The following SDF2 variants were observed in gnomAD, a reference collection of about 807,000 sequenced individuals.
SDF2 encodes stromal cell derived factor 2.
Under a neutral mutation model 20.5 loss-of-function variants are expected in SDF2, and 12 were observed. The ratio of observed to expected loss-of-function variants is 0.58; its 90% CI spans 0.37 to 0.95. SDF2 has a LOEUF of 0.95. Among genes scored for constraint, SDF2 ranks in the 40% least tolerant of loss-of-function variants. SDF2 has a pLI of 0.01. For missense variants in SDF2, 238 were observed against 263.1 expected (o/e 0.90, Z 0.66); for synonymous variants, 100 against 101.0 (o/e 0.99, Z 0.06).
intron 2 of SDF2, 99 bp downstream of exon 2, chr17:28,655,188 A>C: frequency 8.6e-7 from 1 of 1,159,880 alleles, no homozygotes; most frequent in Non-Finnish European, 1.3e-6. Context: ...ACAAAAGAGA[A>C]CATCTACACC....
chr17:28,661,917 C>A, upstream of SDF2: 1 of 1,581,606 alleles, frequency 6.3e-7, no homozygotes, highest in Non-Finnish European at 8.7e-7. Context: ...GAAGAAAACT[C>A]GGCCCCTCCC....
chr17:28,658,920 G>A (rs1008052000), intron 1 of SDF2, among the ~76,000 whole-genome samples: 2 of 147,284 alleles, frequency 1.4e-5, no homozygotes, highest in South Asian at 2.2e-4. Context: ...CCGGGCAGAG[G>A]AGCTCCTCAC....
At chr17:28,649,338 G>A (rs1025136357) in intron 2 of SDF2, 62 bp from the exon 3 acceptor site, 4 of 1,524,746 alleles carry the variant, frequency 2.6e-6, no homozygotes, top group Non-Finnish European at 3.6e-6. Flanking sequence ...AGGGGTGGGA[G>A]GCAATGGGAA....
chr17:28,650,065 G>T (rs1338842025), intron 2 of SDF2, among the ~76,000 whole-genome samples: 1 of 151,950 alleles, frequency 6.6e-6, no homozygotes, highest in Non-Finnish European at 1.5e-5. Flanking sequence ...TGATTTTCCT[G>T]CCTCAGCCTC....
Position 28,648,907 on chromosome 17 carries a change from A to G in SDF2, c.*82T>C. ...TGGTGACATGGCCACTGCCCAAGGA[A>G]CTTGTGGCAGGGATCCCAAGGTGAG... On this transcript the variant is annotated 3_prime_UTR_variant, in exon 3 of 3. Transcript: ENST00000247020. 1.4e-6 allele frequency: 2 copies of G among 1,409,146 alleles called. No individual in the cohort carries two copies. Among genetic ancestry groups the G allele is most frequent in the East Asian group, 4.6e-5 (2 of 43,750 alleles). 87.3% of individuals were successfully genotyped at this position (1,409,146 alleles called of 1,614,324 possible).
chr17:28,649,717 A>C (rs1039440039), intron 2 of SDF2, among the ~76,000 whole-genome samples: 1 of 146,112 alleles, frequency 6.8e-6, no homozygotes, highest in Non-Finnish European at 1.5e-5. Flanking sequence ...CTGGGCAACA[A>C]GAGCAAAACT....
Position 28,661,819 on chromosome 17 carries a change from T to C in SDF2, c.58A>G (p.Ser20Gly). 6.2e-7 allele frequency: 1 copy of C among 1,614,132 alleles called. No homozygotes were observed. The highest frequency in any genetic ancestry group is 8.5e-7 in the Non-Finnish European group (1 of 1,180,018). The stretch of plus-strand genomic sequence containing the variant: ...GAGCCGCAAGTAACGACACCCAGGC[T>C]GGACGCTCCCACAGCGCTCCACAAA... ...GGLWSAVGAS[S>G]LGVVTCGSVV... Residue 20 changes from serine (S) to glycine (G), a missense_variant, in exon 1 of 3, where the codon AGC (serine) becomes GGC (glycine). Transcript: ENST00000247020.
At position 28,655,557 on chromosome 17, in the gene SDF2, C is replaced by T. The variant is rs1000977982; in HGVS notation, c.152-74G>A. 3.7e-5 allele frequency: 50 copies of T among 1,334,100 alleles called. No individual in the cohort carries two copies. In the Middle Eastern group the frequency reaches 5.7e-4, roughly 15 times the overall value. The allele number at this position is 1,334,100 out of a possible 1,614,324, so 82.6% of individuals were successfully genotyped here. ...ATGCTCAGAGACAGAAGCTTGAGTG[C>T]GCTCAAGATTCACCTTCACCTGTAA... On this transcript the variant is annotated intron_variant, in intron 1 of 2. Transcript: ENST00000247020.
At chr17:28,650,054 G>A (rs1243976073) in intron 2 of SDF2, among the ~76,000 whole-genome samples, 2 of 152,014 alleles carry the variant, frequency 1.3e-5, no homozygotes, top group Non-Finnish European at 2.9e-5. Context: ...CCAGGTTCAA[G>A]TGATTTTCCT....
chr17:28,655,663 C>T (rs1597670716), intron 1 of SDF2, 180 bp from the exon 2 acceptor site: 1 of 629,270 alleles, frequency 1.6e-6, no homozygotes, highest in Non-Finnish European at 2.8e-6. Context: ...TGAAGACCGC[C>T]CTCAGCCATG....
intron 2 of SDF2, among the ~76,000 whole-genome samples, chr17:28,650,509 GGTACGGTAGCTCATGCCTGTAATCCCA>G (rs944001338): frequency 2.6e-5 from 4 of 151,554 alleles, no homozygotes; most frequent in Non-Finnish European, 5.9e-5. Flanking sequence ...ATTGTGGCCA[GGTACGGTAGCTCATGCCTGTAATCCCA>G]GTAATTTGGG....
At chr17:28,650,686 T>A (rs1481806537) in intron 2 of SDF2, among the ~76,000 whole-genome samples, 1 of 150,456 alleles carries the variant, frequency 6.6e-6, no homozygotes, top group African/African-American at 2.5e-5. Flanking sequence ...TTCGGGAGGC[T>A]GAAGCAGGAG....
chr17:28,661,683 C>T, intron 1 of SDF2, 43 bp downstream of exon 1: 1 of 1,593,958 alleles, frequency 6.3e-7, no homozygotes, highest in South Asian at 1.1e-5. Context: ...TCCAGAGCCT[C>T]CGAGTCCTCC....
chr17:28,653,090 C>T (rs1323792896), intron 2 of SDF2, among the ~76,000 whole-genome samples: 3 of 152,152 alleles, frequency 2.0e-5, no homozygotes, highest in Admixed American at 6.5e-5. Flanking sequence ...CAGAGTATAA[C>T]TCTCCAGTCT....
chr17:28,658,252 GTT>G lies in SDF2; in HGVS notation c.152-2771_152-2770del, dbSNP rs111913000. 2.5e-3 allele frequency among the ~76,000 whole-genome samples: 323 copies of G among 130,608 alleles called. 3 individuals are homozygous for G. The highest frequency in any genetic ancestry group is 8.1e-3 in the African/African-American group (289 of 35,808). 85.7% of individuals were successfully genotyped at this position (130,608 alleles called of 152,430 possible). A position where few individuals can be genotyped will look rare whatever the true frequency, so the allele number is the denominator to read the frequency against. On this transcript the variant is annotated intron_variant, in intron 1 of 2. Transcript: ENST00000247020. ...TGGCCTTCATCTGTTTCTACCTGTAGTTTTTTTTTTTTTTTTTAGTATTTATT... is the reference window on the plus strand; with the variant it reads ...TGGCCTTCATCTGTTTCTACCTGTAGTTTTTTTTTTTTTTTAGTATTTATT...
intron 2 of SDF2, 53 bp from the exon 3 acceptor site, chr17:28,649,329 G>C (rs1164403700): frequency 1.3e-6 from 2 of 1,559,206 alleles, no homozygotes; most frequent in Non-Finnish European, 1.8e-6. Context: ...GGCTTGAAAA[G>C]GGGTGGGAGG....
In SDF2 at chr17:28,661,744, CGT is replaced by C. The variant is rs755021141; in HGVS notation, c.131_132del (p.His44ArgfsTer8). 1.9e-5 allele frequency: 31 copies of C among 1,613,770 alleles called. No homozygotes were observed. The highest frequency in any genetic ancestry group is 2.6e-5 in the Non-Finnish European group (31 of 1,179,860). On this transcript the variant is annotated frameshift_variant, in exon 1 of 3. Coordinates refer to ENST00000247020, the MANE Select transcript of SDF2 (RefSeq NM_006923.4). LOFTEE classifies it high-confidence loss of function. ...NTRHNVRLHSHDVRYGSGSGQ... is the reference protein window; with the variant it reads ...NTRHNVRLHSXDVRYGSGSGQ... The stretch of plus-strand genomic sequence containing the variant: ...GCATTACCTGACCCATAGCGCACGT[CGT>C]GTGAGTGCAGTCGGACGTTGTGGCG...
chr17:28,650,661 C>T (rs958997947), intron 2 of SDF2, among the ~76,000 whole-genome samples: 5 of 151,680 alleles, frequency 3.3e-5, no homozygotes, highest in African/African-American at 1.2e-4. Flanking sequence ...TGGCAGGCGC[C>T]TGTAATCCCA....
intron 1 of SDF2, chr17:28,656,353 T>C (rs988381198): frequency 6.6e-6 from 1 of 151,956 alleles, no homozygotes; most frequent in African/African-American, 2.4e-5. Context: ...TTTGGGAGGC[T>C]GAGGCAGTTG....
Sources: gnomAD v4.1 joint callset for allele counts (sites outside exome capture counted in the v4.1 genomes callset) on GRCh38, gnomAD v4.1.1 for gene constraint, MANE v1.5 for transcripts, NCBI Gene and HGNC (gene_info 2026-07-23, HGNC 2026-07-21) for gene names.